GABRG3: variants seen among roughly 807,000 people sequenced by gnomAD.
GABRG3 encodes gamma-aminobutyric acid type A receptor subunit gamma3, also known as gamma-aminobutyric acid receptor subunit gamma-3.
Under a neutral mutation model 48.8 loss-of-function variants are expected in GABRG3, and 25 were observed. That is an observed-to-expected ratio of 0.51 (90% CI 0.37 to 0.72). The LOEUF (loss-of-function observed/expected upper bound fraction) is 0.72, where lower values mean the gene tolerates loss of function less well. Among genes scored for constraint, GABRG3 ranks in the 30% least tolerant of loss-of-function variants. The pLI, the probability that GABRG3 is intolerant of heterozygous loss-of-function variation, is 0.00. For missense variants in GABRG3, 394 were observed against 577.9 expected, an observed-to-expected ratio of 0.68 and a Z score of 3.26; for synonymous variants, 227 against 217.6, an observed-to-expected ratio of 1.04 and a Z score of -0.38.
intron 3 of GABRG3, among the ~76,000 whole-genome samples, chr15:27,233,769 C>T (rs1889874367): frequency 6.6e-6 from 1 of 152,184 alleles, no homozygotes; most frequent in Admixed American, 6.5e-5. Flanking sequence ...GACGCCTGTA[C>T]AAACTACCAG....
intron 1 of GABRG3, among the ~76,000 whole-genome samples, chr15:26,972,222 A>C (rs1466674724): frequency 6.6e-6 from 1 of 152,158 alleles, no homozygotes; most frequent in Admixed American, 6.5e-5. Flanking sequence ...TAAAGCACGC[A>C]TGTCGAAATG....
In GABRG3 at chr15:27,307,031, T is replaced by TATATAAACATGTTTATATATAAAC. The variant is rs1566769891; in HGVS notation, c.271-19778_271-19777insATATAAACATGTTTATATATAAAC. Reference sequence around the variant, plus strand: ...GTATAAACATGTTTATATATAAACATGTATAAAATAAACATGTTTATATAT... The same window carrying TATATAAACATGTTTATATATAAAC: ...GTATAAACATGTTTATATATAAACATATATAAACATGTTTATATATAAACGTATAAAATAAACATGTTTATATAT... On this transcript the variant is annotated intron_variant, in intron 3 of 9. Coordinates refer to ENST00000615808, the MANE Select transcript of GABRG3 (RefSeq NM_033223.5). Among the ~76,000 whole-genome samples, 13 of 81,020 alleles carry TATATAAACATGTTTATATATAAAC rather than the reference T, an allele frequency of 1.6e-4. 3 individuals are homozygous for TATATAAACATGTTTATATATAAAC. The highest frequency in any genetic ancestry group is 7.0e-4 in the African/African-American group (12 of 17,198). The allele number at this position is 81,020 out of a possible 152,430, so 53.2% of individuals were successfully genotyped here. A position where few individuals can be genotyped will look rare whatever the true frequency, so the allele number is the denominator to read the frequency against.
At chr15:27,429,789 A>G (rs929354485) in intron 5 of GABRG3, among the ~76,000 whole-genome samples, 2 of 152,230 alleles carry the variant, frequency 1.3e-5, no homozygotes, top group African/African-American at 4.8e-5. Context: ...GCATGGATAT[A>G]CCACAATGTG....
chr15:27,144,863 A>G (rs1898169678), intron 3 of GABRG3, among the ~76,000 whole-genome samples: 1 of 152,216 alleles, frequency 6.6e-6, no homozygotes, highest in South Asian at 2.1e-4. Flanking sequence ...TGGGAGATTT[A>G]TTACTTCTAG....
intron 3 of GABRG3, among the ~76,000 whole-genome samples, chr15:27,136,513 A>G (rs1898010261): frequency 6.6e-6 from 1 of 152,102 alleles, no homozygotes; most frequent in South Asian, 2.1e-4. Flanking sequence ...GCTTCTGTTT[A>G]AAAGTGTGAG....
At chr15:27,225,328 G>A (rs1889577240) in intron 3 of GABRG3, among the ~76,000 whole-genome samples, 1 of 152,056 alleles carries the variant, frequency 6.6e-6, no homozygotes, top group East Asian at 1.9e-4. Flanking sequence ...AACTGGAGCC[G>A]CCACCTCCCC....
intron 3 of GABRG3, among the ~76,000 whole-genome samples, chr15:27,132,471 GTTTTTTTTTTT>G (rs59023766): frequency 4.3e-4 from 17 of 39,592 alleles, no homozygotes; most frequent in Non-Finnish European, 6.7e-4. Context: ...AGTAGTTACA[GTTTTTTTTTTT>G]TTTTTTTTTT....
chr15:27,093,886 A>G (rs934469807), intron 3 of GABRG3, among the ~76,000 whole-genome samples: 3 of 152,182 alleles, frequency 2.0e-5, no homozygotes, highest in Admixed American at 6.5e-5. Flanking sequence ...ATAGTGGCTC[A>G]CAGTTTGGTC....
intron 6 of GABRG3, among the ~76,000 whole-genome samples, chr15:27,519,481 C>A (rs1168034125): frequency 6.6e-6 from 1 of 151,934 alleles, no homozygotes; most frequent in African/African-American, 2.4e-5. Context: ...AAACAAAGTG[C>A]GAAGTTGATA....
At chr15:27,511,129 A>C (rs1890886256) in intron 6 of GABRG3, among the ~76,000 whole-genome samples, 1 of 152,246 alleles carries the variant, frequency 6.6e-6, no homozygotes, top group Admixed American at 6.5e-5. Flanking sequence ...AGTAACCACA[A>C]ATCTGCCAAT....
intron 3 of GABRG3, among the ~76,000 whole-genome samples, chr15:27,156,247 C>T (rs1472123824): frequency 1.4e-5 from 2 of 142,978 alleles, no homozygotes; most frequent in South Asian, 4.4e-4. Flanking sequence ...TGCAGTGAGC[C>T]GAGTTCAAGC....
At chr15:27,134,385 A>G (rs1015596600) in intron 3 of GABRG3, among the ~76,000 whole-genome samples, 5 of 151,820 alleles carry the variant, frequency 3.3e-5, no homozygotes, top group African/African-American at 9.7e-5. Flanking sequence ...CCCATCTCCA[A>G]TTTTCTGTCA....
intron 6 of GABRG3, among the ~76,000 whole-genome samples, chr15:27,516,452 C>A (rs1254280287): frequency 1.3e-5 from 2 of 152,164 alleles, no homozygotes; most frequent in East Asian, 3.9e-4. Context: ...GGGATAAAGC[C>A]CCATCTTCTG....
chr15:26,987,595 T>C (rs1473726503), intron 2 of GABRG3, among the ~76,000 whole-genome samples: 1 of 152,208 alleles, frequency 6.6e-6, no homozygotes, highest in Non-Finnish European at 1.5e-5. Flanking sequence ...AACCTGGCAT[T>C]ACGTCAGAAC....
intron 3 of GABRG3, among the ~76,000 whole-genome samples, chr15:27,233,003 G>GT (rs1378039775): frequency 6.6e-6 from 1 of 152,200 alleles, no homozygotes; most frequent in Non-Finnish European, 1.5e-5. Flanking sequence ...GTGGGCATCA[G>GT]TCCAGCTGAA....
intron 3 of GABRG3, among the ~76,000 whole-genome samples, chr15:27,317,507 G>A (rs1210535137): frequency 6.6e-6 from 1 of 152,272 alleles, no homozygotes; most frequent in East Asian, 1.9e-4. Context: ...CCTTCAGAGG[G>A]GCTTTGTGTT....
intron 5 of GABRG3, among the ~76,000 whole-genome samples, chr15:27,398,370 C>T (rs904448158): frequency 2.0e-4 from 31 of 152,022 alleles, no homozygotes; most frequent in African/African-American, 7.5e-4. Context: ...ATTAAATTGA[C>T]TTATTTACTC....
At chr15:27,445,141 G>A (rs534091371) in intron 5 of GABRG3, among the ~76,000 whole-genome samples, 174 of 152,286 alleles carry the variant, frequency 1.1e-3, no homozygotes, top group African/African-American at 4.1e-3. Flanking sequence ...CCAAAGTGCT[G>A]GGATTACAGG....
chr15:27,302,957 A>G (rs1892261753), intron 3 of GABRG3, among the ~76,000 whole-genome samples: 1 of 151,940 alleles, frequency 6.6e-6, no homozygotes, highest in Non-Finnish European at 1.5e-5. Flanking sequence ...CATAATGAAG[A>G]TTGTAGAACT....
Sources: allele counts gnomAD v4.1 joint callset (sites outside exome capture counted in the v4.1 genomes callset), GRCh38; gene constraint gnomAD v4.1.1; transcripts MANE v1.5; gene names NCBI Gene and HGNC (gene_info 2026-07-23, HGNC 2026-07-21).